KCNMA1: variants seen among roughly 807,000 people sequenced by gnomAD.
The protein encoded by KCNMA1 is Calcium-activated potassium channel subunit alpha-1.
KCNMA1 carries 29 observed loss-of-function variants against 140.0 expected under a neutral mutation model. The observed-to-expected ratio is 0.21, with a 90% CI of 0.15 to 0.28. The LOEUF is 0.28. KCNMA1 is among the 10% of genes least tolerant of loss of function. The pLI is 1.00. For synonymous variants in KCNMA1, 612 were observed against 611.9 expected, an observed-to-expected ratio of 1.00 and a Z score of 0.00; for missense variants, 880 against 1,602.2, an observed-to-expected ratio of 0.55 and a Z score of 7.70.
At chr10:77,059,840 T>A (rs995163241) in intron 14 of KCNMA1, among the ~76,000 whole-genome samples, 1 of 152,142 alleles carries the variant, frequency 6.6e-6, no homozygotes, top group African/African-American at 2.4e-5. Context: ...TATTCAATAT[T>A]CTGCAAGAAG....
At chr10:77,081,742 C>CTG (rs1256485470) in intron 12 of KCNMA1, among the ~76,000 whole-genome samples, 1 of 152,200 alleles carries the variant, frequency 6.6e-6, no homozygotes, top group Non-Finnish European at 1.5e-5. Flanking sequence ...CTTTGAGCCT[C>CTG]TGTCAGCCCT....
intron 16 of KCNMA1, among the ~76,000 whole-genome samples, chr10:77,023,286 G>A (rs904617401): frequency 2.2e-4 from 33 of 152,110 alleles, no homozygotes; most frequent in African/African-American, 7.0e-4. Context: ...CCTATGATTC[G>A]TAATTCAAGT....
At chr10:77,438,293 C>A (rs1200549985) in intron 1 of KCNMA1, among the ~76,000 whole-genome samples, 2 of 152,136 alleles carry the variant, frequency 1.3e-5, no homozygotes, top group Non-Finnish European at 2.9e-5. Flanking sequence ...TAGTACCAAG[C>A]ACAGTGCCTG....
intron 3 of KCNMA1, among the ~76,000 whole-genome samples, chr10:77,233,445 T>G (rs1023623706): frequency 1.3e-5 from 2 of 152,246 alleles, no homozygotes; most frequent in Admixed American, 6.5e-5. Flanking sequence ...AAATTTGGCA[T>G]TTCCTTTAAT....
In KCNMA1 at chr10:76,885,302, T is replaced by C. The variant is rs1293633187; in HGVS notation, c.*1964A>G. On this transcript the variant is annotated 3_prime_UTR_variant, in exon 28 of 28. Coordinates refer to ENST00000286628, the MANE Select transcript of KCNMA1 (RefSeq NM_001161352.2). ...TAGTTATACATAATATAAATCAATA[T>C]ATAGAGGGACAAAAATAATTTGAAA... 2 of 813,900 alleles carry C rather than the reference T, an allele frequency of 2.5e-6. No individual in the cohort carries two copies. The highest frequency in any genetic ancestry group is 1.9e-5 in the African/African-American group (1 of 52,982). 50.4% of individuals were successfully genotyped at this position (813,900 alleles called of 1,614,324 possible).
At chr10:76,957,725 C>A (rs959725156) in intron 20 of KCNMA1, among the ~76,000 whole-genome samples, 2 of 152,066 alleles carry the variant, frequency 1.3e-5, no homozygotes, top group African/African-American at 4.8e-5. Flanking sequence ...GGCTGGAGAG[C>A]CCTGAGTAGG....
chr10:77,019,475 G>A, intron 16 of KCNMA1: 1 of 246,190 alleles, frequency 4.1e-6, no homozygotes, highest in Non-Finnish European at 8.0e-6. Context: ...AAGCATTATT[G>A]GCCTGATGAA....
intron 2 of KCNMA1, among the ~76,000 whole-genome samples, chr10:77,328,042 T>C: frequency 6.6e-6 from 1 of 152,170 alleles, no homozygotes. Flanking sequence ...CAAGGTAAAG[T>C]GGGACTCTGC....
intron 1 of KCNMA1, among the ~76,000 whole-genome samples, chr10:77,499,432 C>CAT (rs1254302741): frequency 0.029 from 3,955 of 134,084 alleles, 88 homozygotes; most frequent in Non-Finnish European, 0.039. Flanking sequence ...TACACACACA[C>CAT]ACATACACAC....
At chr10:77,306,193 T>C (rs936426698) in intron 2 of KCNMA1, among the ~76,000 whole-genome samples, 3 of 152,068 alleles carry the variant, frequency 2.0e-5, no homozygotes, top group African/African-American at 7.2e-5. Context: ...GCCAACAAAA[T>C]GGGGGTGGTC....
At chr10:77,417,544 A>C (rs2096769891) in intron 1 of KCNMA1, among the ~76,000 whole-genome samples, 1 of 152,168 alleles carries the variant, frequency 6.6e-6, no homozygotes, top group Non-Finnish European at 1.5e-5. Flanking sequence ...AAAACACTAA[A>C]TCCCAAATGA....
intron 1 of KCNMA1, among the ~76,000 whole-genome samples, chr10:77,538,685 A>G (rs1603634168): frequency 6.6e-6 from 1 of 151,696 alleles, no homozygotes; most frequent in East Asian, 1.9e-4. Flanking sequence ...CATCAATGGC[A>G]CCCCCTCCCC....
chr10:77,424,506 GTTCATTCA>G (rs3997977), intron 1 of KCNMA1, among the ~76,000 whole-genome samples: 9 of 150,228 alleles, frequency 6.0e-5, no homozygotes, highest in East Asian at 3.9e-4. Context: ...GAAGATCTGT[GTTCATTCA>G]TTCATTCATT....
At chr10:76,960,970 G>A (rs2071163993) in intron 20 of KCNMA1, among the ~76,000 whole-genome samples, 1 of 152,090 alleles carries the variant, frequency 6.6e-6, no homozygotes, top group African/African-American at 2.4e-5. Flanking sequence ...TGTATAAGAT[G>A]AATGTTGTTT....
intron 2 of KCNMA1, among the ~76,000 whole-genome samples, chr10:77,377,846 AT>A (rs2095225222): frequency 6.6e-6 from 1 of 152,222 alleles, no homozygotes; most frequent in Non-Finnish European, 1.5e-5. Context: ...AACAGCAGTT[AT>A]CACAGTGCCT....
intron 2 of KCNMA1, among the ~76,000 whole-genome samples, chr10:77,287,038 G>C (rs1295976920): frequency 6.6e-6 from 1 of 152,210 alleles, no homozygotes; most frequent in East Asian, 1.9e-4. Context: ...CATTCACTTA[G>C]GAAGGGTGTG....
At chr10:77,189,108 G>A (rs1464243575) in intron 3 of KCNMA1, among the ~76,000 whole-genome samples, 1 of 152,124 alleles carries the variant, frequency 6.6e-6, no homozygotes, top group Non-Finnish European at 1.5e-5. Context: ...GATTTAGTAG[G>A]TTTGGGGTGG....
intron 19 of KCNMA1, among the ~76,000 whole-genome samples, chr10:76,971,207 CAG>C (rs1218114681): frequency 6.6e-6 from 1 of 152,128 alleles, no homozygotes; most frequent in Non-Finnish European, 1.5e-5. Context: ...CCCTGAAACT[CAG>C]AATGCACAGC....
chr10:77,045,325 AT>A (rs1377045186), intron 14 of KCNMA1, among the ~76,000 whole-genome samples: 1 of 152,226 alleles, frequency 6.6e-6, no homozygotes, highest in African/African-American at 2.4e-5. Flanking sequence ...GCAGCAATTT[AT>A]CCTTTGGCTG....
Sources: gnomAD v4.1 joint callset for allele counts (sites outside exome capture counted in the v4.1 genomes callset) on GRCh38, gnomAD v4.1.1 for gene constraint, MANE v1.5 for transcripts, NCBI Gene and HGNC (gene_info 2026-07-23, HGNC 2026-07-21) for gene names.